IPO5: variants seen among roughly 807,000 people sequenced by gnomAD.
IPO5 encodes importin 5.
A neutral mutation model predicts 143.3 loss-of-function variants in IPO5; 18 were observed. The ratio of observed to expected loss-of-function variants is 0.13; its 90% CI spans 0.09 to 0.19. The LOEUF is 0.19. Among genes scored for constraint, IPO5 ranks in the 10% least tolerant of loss-of-function variants. IPO5 has a pLI of 1.00. For synonymous variants in IPO5, 477 were observed against 465.7 expected, an observed-to-expected ratio of 1.02 and a Z score of -0.31; for missense variants, 1,013 against 1,336.9, an observed-to-expected ratio of 0.76 and a Z score of 3.78.
At chr13:97,983,547 CCCA>C in intron 5 of IPO5, among the ~76,000 whole-genome samples, 1 of 126,754 alleles carries the variant, frequency 7.9e-6, no homozygotes. Flanking sequence ...ACCCCCCCCC[CCCA>C]CCGTCCCCCC....
In IPO5 at chr13:97,993,120, A is replaced by G. The variant is rs1887939621; in HGVS notation, c.808A>G (p.Ser270Gly). 2 of 1,613,968 alleles carry G rather than the reference A, an allele frequency of 1.2e-6. No homozygotes were observed. Among genetic ancestry groups the G allele is most frequent in the South Asian group, 2.2e-5 (2 of 91,082 alleles). The change falls in exon 11 of 29, where the codon AGC becomes GGC. Residue 270 changes from serine (S) to glycine (G), a missense_variant. Ser to Gly is a moderately conservative substitution (Grantham distance 56). Coordinates refer to ENST00000651721, the MANE Select transcript of IPO5 (RefSeq NM_002271.6). ...QLSLKLCGDTSLNNMQRQLAL... is the reference protein window; with the variant it reads ...QLSLKLCGDTGLNNMQRQLAL... ...TTCTTTGTAGTTGTGTGGAGACACT[A>G]GCCTCAACAATATGCAACGCCAGCT...
At chr13:98,018,747 C>T (rs1260363988) in intron 26 of IPO5, 43 bp downstream of exon 26, 21 of 1,380,960 alleles carry the variant, frequency 1.5e-5, no homozygotes, top group Non-Finnish European at 2.2e-5. Context: ...TTCCAGACAT[C>T]CTGTGAATCC....
chr13:97,981,859 A>G lies in IPO5; in HGVS notation c.91-644A>G, dbSNP rs185969922. Among the ~76,000 whole-genome samples the G allele has an allele frequency of 7.6e-3, 1,160 of 152,330 alleles. 14 individuals carry two copies. Among genetic ancestry groups the G allele is most frequent in the Non-Finnish European group, 8.1e-3 (550 of 68,028 alleles). On this transcript the variant is annotated intron_variant, in intron 4 of 28. Transcript: ENST00000651721. ...GTTAACCAATTTGTTGTGATTTTAC[A>G]TTATTAGCAGAGGATAGAGTGTCCT...
At chr13:97,980,696 A>G (rs1009084157) in intron 4 of IPO5, among the ~76,000 whole-genome samples, 3 of 151,990 alleles carry the variant, frequency 2.0e-5, no homozygotes, top group African/African-American at 7.2e-5. Flanking sequence ...GCGCGGTGGC[A>G]GGCGCCTGTA....
In IPO5 at chr13:97,992,898, A is replaced by G; in HGVS notation, c.676A>G (p.Asn226Asp). ...TCTGTTTCATCTTTTCTAGGCGGTA[A>G]ATGACTCGTGCTACCAGAATGATGA... ...DLLPGFLQAVNDSCYQNDDSV... is the reference protein window; with the variant it reads ...DLLPGFLQAVDDSCYQNDDSV... Residue 226 changes from asparagine to aspartate, a missense_variant, in exon 10 of 29, where the codon AAT becomes GAT. By Grantham distance (23) the Asn-to-Asp change is conservative (BLOSUM62 1). This residue lies in a region of IPO5 where 328 missense variants were observed against 342.0 expected (regional missense o/e 0.96). Coordinates refer to ENST00000651721, the MANE Select transcript of IPO5 (RefSeq NM_002271.6). The G allele has an allele frequency of 1.7e-5, 27 of 1,609,490 alleles. No individual in the cohort carries two copies. The highest frequency in any genetic ancestry group is 2.0e-5 in the Non-Finnish European group (24 of 1,176,876).
At chr13:97,982,451 C>G in intron 4 of IPO5, 52 bp from the exon 5 acceptor site, 1 of 1,191,634 alleles carries the variant, frequency 8.4e-7, no homozygotes, top group South Asian at 1.3e-5. Context: ...CACTGGTTTA[C>G]TCATGAAGTT....
At position 97,985,558 on chromosome 13, in the gene IPO5, T is replaced by G. The variant is rs1164654360; in HGVS notation, c.309T>G (p.Ser103=). 6.2e-7 allele frequency: 1 copy of G among 1,613,888 alleles called. No homozygotes were observed. The highest frequency in any genetic ancestry group is 8.5e-7 in the Non-Finnish European group (1 of 1,179,998). ...LLMIIQMETQ[S]SMRKKVCDIA... ...TGATTATTCAGATGGAAACACAATCTAGCATGAGGAAAAAAGTTTGTGATA... is the reference window on the plus strand; with the variant it reads ...TGATTATTCAGATGGAAACACAATCGAGCATGAGGAAAAAAGTTTGTGATA... The change falls in exon 6 of 29, where the codon TCT becomes TCG. Residue 103 remains serine (S), a synonymous_variant. Transcript: ENST00000651721.
chr13:97,975,856 C>T, intron 3 of IPO5: 2 of 948,670 alleles, frequency 2.1e-6, no homozygotes, highest in Non-Finnish European at 2.5e-6. Flanking sequence ...CCTGGCGGGA[C>T]AGCCCCGGGC....
chr13:97,991,323 G>C (rs771175539), intron 9 of IPO5, among the ~76,000 whole-genome samples: 1 of 152,174 alleles, frequency 6.6e-6, no homozygotes, highest in Non-Finnish European at 1.5e-5. Flanking sequence ...TACACTGGAA[G>C]ACATAATAGA....
chr13:97,960,356 G>A (rs1196189026), intron 2 of IPO5: 5 of 152,128 alleles, frequency 3.3e-5, no homozygotes, highest in African/African-American at 1.2e-4. Flanking sequence ...GGAATTCTCC[G>A]AAGTTTGAAG....
chr13:97,975,931 G>C, intron 3 of IPO5: 1 of 985,676 alleles, frequency 1.0e-6, no homozygotes, highest in Non-Finnish European at 1.2e-6. Flanking sequence ...GGGAGGAAGG[G>C]GCGCCCTGAG....
intron 6 of IPO5, 89 bp downstream of exon 6, chr13:97,985,702 CA>C: frequency 2.3e-6 from 2 of 853,788 alleles, no homozygotes; most frequent in Admixed American, 4.4e-5. Flanking sequence ...GAGTAAGATT[CA>C]TAAGTACCTG....
chr13:98,008,163 T>C, intron 18 of IPO5, 21 bp downstream of exon 18: 1 of 1,414,958 alleles, frequency 7.1e-7, no homozygotes, highest in Non-Finnish European at 1.0e-6. Flanking sequence ...TTAATGCATT[T>C]GCTTTGATCC....
intron 18 of IPO5, 21 bp from the exon 19 acceptor site, chr13:98,009,860 A>C (rs771776537): frequency 1.5e-5 from 23 of 1,538,500 alleles, no homozygotes; most frequent in Non-Finnish European, 2.0e-5. Flanking sequence ...AATCTATTTT[A>C]ATTTTAAAAT....
At chr13:97,965,747 C>T (rs1311700143) in intron 2 of IPO5, among the ~76,000 whole-genome samples, 1 of 136,718 alleles carries the variant, frequency 7.3e-6, no homozygotes, top group African/African-American at 3.0e-5. Flanking sequence ...TTTGTTTGTT[C>T]TAATAGTTTG....
chr13:98,021,013 C>A lies in IPO5; in HGVS notation c.3087C>A (p.Gly1029=), dbSNP rs1890450014. 6 of 1,607,830 alleles carry A rather than the reference C, an allele frequency of 3.7e-6. No individual in the cohort carries two copies. The highest frequency in any genetic ancestry group is 5.1e-6 in the Non-Finnish European group (6 of 1,177,362). The change falls in exon 28 of 29, where the codon GGC becomes GGA. Residue 1029 remains glycine (G), a synonymous_variant. Transcript: ENST00000651721. ...LIESNHPIVL[G]PNNTNLPKIF... Reference sequence around the variant, plus strand: ...TCAGTAATCATCCAATTGTTCTTGGCCCAAACAATACCAATCTGCCCAAAA... The same window carrying A: ...TCAGTAATCATCCAATTGTTCTTGGACCAAACAATACCAATCTGCCCAAAA...
intron 2 of IPO5, among the ~76,000 whole-genome samples, chr13:97,965,039 A>G (rs1294240651): frequency 6.6e-6 from 1 of 152,184 alleles, no homozygotes; most frequent in Non-Finnish European, 1.5e-5. Context: ...TGTCCTTTGC[A>G]GGGACATGGA....
intron 2 of IPO5, among the ~76,000 whole-genome samples, chr13:97,965,515 T>A (rs1385381226): frequency 6.6e-6 from 1 of 152,206 alleles, no homozygotes; most frequent in Non-Finnish European, 1.5e-5. Context: ...TATTTAGATC[T>A]TCTTTAATTT....
chr13:98,002,420 T>G (rs1888883936), intron 13 of IPO5, 47 bp from the exon 14 acceptor site: 1 of 1,579,404 alleles, frequency 6.3e-7, no homozygotes, highest in Non-Finnish European at 8.7e-7. Context: ...CAGAATGACA[T>G]GTTTATAGTG....
Sources: gnomAD v4.1 joint callset for allele counts (sites outside exome capture counted in the v4.1 genomes callset) on GRCh38, gnomAD v4.1.1 for gene constraint, gnomAD v4.1.1 regional missense constraint, MANE v1.5 for transcripts, NCBI Gene and HGNC (gene_info 2026-07-23, HGNC 2026-07-21) for gene names.